The following PPARGC1B variants were observed in gnomAD, a reference collection of about 807,000 sequenced individuals.
PPARGC1B encodes the protein PPARG coactivator 1 beta.
PPARGC1B carries 34 observed loss-of-function variants against 101.6 expected under a neutral mutation model. The observed-to-expected ratio is 0.33, with a 90% CI of 0.25 to 0.45. The LOEUF (loss-of-function observed/expected upper bound fraction) is 0.45. Among genes scored for constraint, PPARGC1B ranks in the 20% least tolerant of loss-of-function variants. The pLI is 1.00. For synonymous variants in PPARGC1B, 548 were observed against 539.3 expected (o/e 1.02, Z -0.22); for missense variants, 1,234 against 1,317.6 (o/e 0.94, Z 0.98).
At chr5:149,856,242 G>A (rs1759947494), downstream of PPARGC1B, among the ~76,000 whole-genome samples, 2 of 152,180 alleles carry the variant, frequency 1.3e-5, no homozygotes, top group Admixed American at 1.3e-4. Context: ...TTGTTCAGGT[G>A]ATTTATTTTC....
At chr5:149,772,220 A>T in intron 1 of PPARGC1B, 2 of 1,586,024 alleles carry the variant, frequency 1.3e-6, no homozygotes, top group Non-Finnish European at 1.7e-6. Context: ...GACGATTGTG[A>T]CATGCTGCCG....
rs45519432 is a variant in PPARGC1B, at chr5:149,833,239, C to A, written c.1166C>A (p.Ser389Tyr). The change falls in exon 5 of 12, where the codon TCC becomes TAC. Residue 389 changes from serine (S) to tyrosine (Y), a missense_variant. Physicochemically the swap from Ser to Tyr is moderately radical, Grantham distance 144. This residue lies in a region of PPARGC1B where 734 missense variants were observed against 768.4 expected (regional missense o/e 0.96). Coordinates refer to ENST00000309241, the MANE Select transcript of PPARGC1B (RefSeq NM_133263.4). This position sits in a 1 kb window ranked among gnomAD's most constrained non-coding sequence, Gnocchi z 4.1. ...KDSQASPGRP[S>Y]SVEEVRIAAS... ...AGTCAGGCCTCCCCTGGTCGCCCGT[C>A]CTCGGTGGAGGAGGTAAGGATCGCA... 4,572 of 1,613,328 alleles carry A rather than the reference C, an allele frequency of 2.8e-3. 113 individuals are homozygous for A. In the African/African-American group the frequency reaches 0.054, roughly 19 times the overall value.
At chr5:149,738,646 A>G (rs994654757) in intron 1 of PPARGC1B, among the ~76,000 whole-genome samples, 3 of 150,438 alleles carry the variant, frequency 2.0e-5, no homozygotes, top group Non-Finnish European at 4.4e-5. Flanking sequence ...TCTGTCGCCC[A>G]GGTTGGAGTG....
At chr5:149,789,725 G>T (rs1189432459) in intron 1 of PPARGC1B, among the ~76,000 whole-genome samples, 1 of 152,244 alleles carries the variant, frequency 6.6e-6, no homozygotes, top group Non-Finnish European at 1.5e-5. Flanking sequence ...TGGTCTCACT[G>T]TTACGAATCC....
At chr5:149,822,788 A>G (rs973934785) in intron 2 of PPARGC1B, among the ~76,000 whole-genome samples, 3 of 152,098 alleles carry the variant, frequency 2.0e-5, no homozygotes, top group African/African-American at 7.2e-5. Flanking sequence ...CATTGTAAGG[A>G]CTCAATTCAT....
Position 149,826,905 on chromosome 5 carries a change from A to C in PPARGC1B, c.465+20A>C. On this transcript the variant is annotated intron_variant, in intron 3 of 11. Coordinates refer to ENST00000309241, the MANE Select transcript of PPARGC1B (RefSeq NM_133263.4). Reference sequence around the variant, plus strand: ...TCACTGGTAAGAACCTACTTACAGCAGAAGTGATGGTTGCAGCCTGGGATT... The same window carrying C: ...TCACTGGTAAGAACCTACTTACAGCCGAAGTGATGGTTGCAGCCTGGGATT... 6.4e-7 allele frequency: 1 copy of C among 1,563,174 alleles called. No homozygotes were observed. Among genetic ancestry groups the C allele is most frequent in the Non-Finnish European group, 8.8e-7 (1 of 1,141,178 alleles).
chr5:149,794,325 G>A lies in PPARGC1B; in HGVS notation c.79-26108G>A, dbSNP rs1757127557. ...TTTCATAAAATTAGCAAGTGTTAAG[G>A]CCAAGACAAATGTTAGACAGTGTCT... On this transcript the variant is annotated intron_variant, in intron 1 of 11. Transcript: ENST00000309241. Among the ~76,000 whole-genome samples, 4 of 152,118 alleles carry A rather than the reference G, an allele frequency of 2.6e-5. No homozygotes were observed. In the South Asian group the frequency reaches 8.3e-4, roughly 31 times the overall value.
intron 10 of PPARGC1B, among the ~76,000 whole-genome samples, chr5:149,844,905 C>G (rs1461200925): frequency 6.6e-6 from 1 of 152,190 alleles, no homozygotes; most frequent in East Asian, 1.9e-4. Context: ...GACTTTTCTC[C>G]TGGTTGCAGA....
chr5:149,737,898 G>T (rs1455637768), intron 1 of PPARGC1B, among the ~76,000 whole-genome samples: 1 of 152,204 alleles, frequency 6.6e-6, no homozygotes, highest in East Asian at 1.9e-4. Context: ...GGAGGCTGAG[G>T]CAGGAGAATC....
chr5:149,819,399 T>A (rs1480341522), intron 1 of PPARGC1B, among the ~76,000 whole-genome samples: 1 of 152,258 alleles, frequency 6.6e-6, no homozygotes, highest in Non-Finnish European at 1.5e-5. Flanking sequence ...ACTTTTTTAT[T>A]TAATGTGTCT....
intron 1 of PPARGC1B, among the ~76,000 whole-genome samples, chr5:149,803,078 C>G (rs1757484605): frequency 1.3e-5 from 2 of 152,172 alleles, no homozygotes. Context: ...CCACCCTGCC[C>G]ACGTGCTGAC....
intron 1 of PPARGC1B, among the ~76,000 whole-genome samples, chr5:149,754,873 C>G (rs751840766): frequency 4.9e-4 from 72 of 148,066 alleles, no homozygotes; most frequent in Non-Finnish European, 9.2e-4. Flanking sequence ...CCTCTGCCTC[C>G]CGGGTTCAAG....
chr5:149,813,231 GA>G lies in PPARGC1B; in HGVS notation c.79-7201del, dbSNP rs562446780. ...GATCTCATTGCAGGTCTGCATTCCT[GA>G]CAGCAGTTTAAGAAGAATAACTTGC... On this transcript the variant is annotated intron_variant, in intron 1 of 11. Coordinates refer to ENST00000309241, the MANE Select transcript of PPARGC1B (RefSeq NM_133263.4). Among the ~76,000 whole-genome samples, 29 of 152,336 alleles carry G rather than the reference GA, an allele frequency of 1.9e-4. No homozygotes were observed. In the East Asian group the frequency reaches 5.6e-3, roughly 29 times the overall value.
At chr5:149,760,357 G>A (rs1326232637) in intron 1 of PPARGC1B, among the ~76,000 whole-genome samples, 6 of 152,354 alleles carry the variant, frequency 3.9e-5, no homozygotes, top group South Asian at 4.1e-4. Flanking sequence ...TTGAATGGTA[G>A]CTATGGGAAG....
intron 1 of PPARGC1B, chr5:149,817,921 A>G: frequency 2.3e-6 from 1 of 431,982 alleles, no homozygotes; most frequent in South Asian, 1.7e-5. Context: ...GTATGCAAGT[A>G]TTGCAGACTT....
In PPARGC1B at chr5:149,746,275, C is replaced by T. The variant is rs73796241; in HGVS notation, c.78+15855C>T. Among the ~76,000 whole-genome samples, 538 of 152,338 alleles carry T rather than the reference C, an allele frequency of 3.5e-3. 2 individuals are homozygous for T. Among genetic ancestry groups the T allele is most frequent in the African/African-American group, 0.012 (498 of 41,566 alleles). ...CTTCCTGTCCTGTCAGGTGTCATCT[C>T]CTCAAATGACCACCATTCTACTTTC... On this transcript the variant is annotated intron_variant, in intron 1 of 11. Transcript: ENST00000309241.
chr5:149,808,592 A>G (rs1052272433), intron 1 of PPARGC1B, among the ~76,000 whole-genome samples: 3 of 152,176 alleles, frequency 2.0e-5, no homozygotes, highest in Non-Finnish European at 2.9e-5. Flanking sequence ...TGCCCCCCAC[A>G]GACTTTGACA....
At chr5:149,773,533 G>A (rs761720519) in intron 1 of PPARGC1B, among the ~76,000 whole-genome samples, 1 of 152,198 alleles carries the variant, frequency 6.6e-6, no homozygotes, top group Non-Finnish European at 1.5e-5. Flanking sequence ...CTCTGTTCTA[G>A]CCTGGTCCCT....
Position 149,833,632 on chromosome 5 carries a change from G to T in PPARGC1B, c.1559G>T (p.Arg520Leu). 6.2e-7 allele frequency: 1 copy of T among 1,609,800 alleles called. No individual in the cohort carries two copies. The highest frequency in any genetic ancestry group is 2.2e-5 in the East Asian group (1 of 44,634). ...GCTCCCAAGGCCTACGACGTAGAGC[G>T]GGAGCTGGGCAGCCCCACGGACGAG... ...CLAPKAYDVE[R>L]ELGSPTDEDS... The change falls in exon 5 of 12, where the codon CGG becomes CTG. Residue 520 changes from arginine (R) to leucine (L), a missense_variant. Arg to Leu is a moderately radical substitution (Grantham distance 102, BLOSUM62 -2). Transcript: ENST00000309241. This position sits in a 1 kb window ranked among gnomAD's most constrained non-coding sequence, Gnocchi z 4.1.
Sources: gnomAD v4.1 joint callset for allele counts (sites outside exome capture counted in the v4.1 genomes callset) on GRCh38, gnomAD v4.1.1 for gene constraint, gnomAD v4.1.1 regional missense constraint, Gnocchi (gnomAD v3.1) non-coding constraint, MANE v1.5 for transcripts, NCBI Gene and HGNC (gene_info 2026-07-23, HGNC 2026-07-21) for gene names.